NCKAP5: variants seen among roughly 807,000 people sequenced by gnomAD.
NCKAP5 encodes NCK associated protein 5.
In NCKAP5, 92 loss-of-function variants were observed where a neutral mutation model predicts 167.0. That is an observed-to-expected ratio of 0.55 (90% CI 0.47 to 0.66). The LOEUF (loss-of-function observed/expected upper bound fraction) is 0.66. NCKAP5 is among the 30% of genes least tolerant of loss of function. The pLI is 0.00. For synonymous variants in NCKAP5, 891 were observed against 877.4 expected, an observed-to-expected ratio of 1.02 and a Z score of -0.27; for missense variants, 2,378 against 2,315.0, an observed-to-expected ratio of 1.03 and a Z score of -0.56.
chr2:132,913,576 A>AT (rs1413196996), intron 8 of NCKAP5, among the ~76,000 whole-genome samples: 1 of 152,086 alleles, frequency 6.6e-6, no homozygotes, highest in East Asian at 1.9e-4. Flanking sequence ...TTATAAATCA[A>AT]TTTTTTCCAT....
the NCKAP5 span, among the ~76,000 whole-genome samples, chr2:133,597,696 A>AAAAAAAAAAAAAAG: frequency 6.7e-6 from 1 of 149,160 alleles, no homozygotes; most frequent in Admixed American, 6.7e-5. Flanking sequence ...AAAAAAAAAA[A>AAAAAAAAAAAAAAG]AAGAAGAGAA....
the NCKAP5 span, among the ~76,000 whole-genome samples, chr2:133,662,438 C>T: frequency 6.6e-6 from 1 of 151,576 alleles, no homozygotes; most frequent in African/African-American, 2.4e-5. Context: ...ATGCCCACTG[C>T]TTCAGGTTTC....
intron 4 of NCKAP5, among the ~76,000 whole-genome samples, chr2:133,250,906 G>C (rs1462762322): frequency 6.6e-6 from 1 of 151,862 alleles, no homozygotes; most frequent in African/African-American, 2.4e-5. Context: ...CTCCAGCCTG[G>C]GTGACAGGGT....
At chr2:133,428,419 C>T (rs72846344) in intron 3 of NCKAP5, among the ~76,000 whole-genome samples, 13,312 of 152,108 alleles carry the variant, frequency 0.088, 644 homozygotes, top group Middle Eastern at 0.16. Context: ...AGGGTATTTG[C>T]TTTGTAGGTG....
intron 6 of NCKAP5, among the ~76,000 whole-genome samples, chr2:133,089,589 C>T (rs1412267678): frequency 6.6e-6 from 1 of 152,178 alleles, no homozygotes; most frequent in Non-Finnish European, 1.5e-5. Context: ...AAGTACTCTT[C>T]ATTTACAAAA....
the NCKAP5 span, among the ~76,000 whole-genome samples, chr2:133,617,223 T>C: frequency 6.6e-6 from 1 of 152,184 alleles, no homozygotes; most frequent in Admixed American, 6.5e-5. Context: ...ACTGGAAGCA[T>C]TCCCTTTGAA....
chr2:133,369,046 G>A (rs1685629091), intron 3 of NCKAP5, among the ~76,000 whole-genome samples: 1 of 152,184 alleles, frequency 6.6e-6, no homozygotes, highest in South Asian at 2.1e-4. Flanking sequence ...TAGAGAGTAG[G>A]AGAACAGGAC....
chr2:133,669,458 AT>A, the NCKAP5 span, among the ~76,000 whole-genome samples: 1 of 152,052 alleles, frequency 6.6e-6, no homozygotes, highest in African/African-American at 2.4e-5. Flanking sequence ...GGTTTATTTT[AT>A]CATGTATATT....
At chr2:133,201,409 T>C (rs1045558092) in intron 5 of NCKAP5, among the ~76,000 whole-genome samples, 7 of 152,028 alleles carry the variant, frequency 4.6e-5, no homozygotes, top group Non-Finnish European at 7.4e-5. Flanking sequence ...ACACACAAAA[T>C]ATAGATGAAT....
intron 11 of NCKAP5, among the ~76,000 whole-genome samples, chr2:132,835,416 T>C (rs1478274714): frequency 6.6e-6 from 1 of 152,202 alleles, no homozygotes; most frequent in Non-Finnish European, 1.5e-5. Context: ...TTGGCTAAGG[T>C]TTCCTGCCTT....
chr2:133,641,002 C>T, the NCKAP5 span, among the ~76,000 whole-genome samples: 1 of 152,206 alleles, frequency 6.6e-6, no homozygotes, highest in Non-Finnish European at 1.5e-5. Context: ...GAATTGTACT[C>T]AATTTCTCTC....
At chr2:133,256,273 T>C (rs1559323512) in intron 4 of NCKAP5, among the ~76,000 whole-genome samples, 1 of 152,128 alleles carries the variant, frequency 6.6e-6, no homozygotes, top group Non-Finnish European at 1.5e-5. Context: ...ACCCCCTCTA[T>C]TGAACTCGAT....
chr2:133,645,898 A>G, the NCKAP5 span, among the ~76,000 whole-genome samples: 1 of 152,002 alleles, frequency 6.6e-6, no homozygotes, highest in East Asian at 1.9e-4. Flanking sequence ...ACATTTTACC[A>G]TATCTCTTTT....
chr2:133,350,607 A>G (rs921749814), intron 3 of NCKAP5, among the ~76,000 whole-genome samples: 32 of 152,084 alleles, frequency 2.1e-4, no homozygotes, highest in African/African-American at 7.0e-4. Context: ...CGCTGTCCCA[A>G]TGAATTATCC....
chr2:133,242,412 G>A (rs2087761804), intron 4 of NCKAP5, among the ~76,000 whole-genome samples: 1 of 151,580 alleles, frequency 6.6e-6, no homozygotes, highest in South Asian at 2.1e-4. Flanking sequence ...ATATAAACAG[G>A]GCTGGTTTCA....
chr2:133,230,771 T>A (rs1474367017), intron 4 of NCKAP5, among the ~76,000 whole-genome samples: 1 of 152,226 alleles, frequency 6.6e-6, no homozygotes, highest in Non-Finnish European at 1.5e-5. Context: ...TGAAACCGAC[T>A]TCAACACTAG....
the NCKAP5 span, among the ~76,000 whole-genome samples, chr2:133,670,639 C>T: frequency 2.6e-5 from 4 of 152,174 alleles, no homozygotes; most frequent in African/African-American, 9.6e-5. Flanking sequence ...TGGGGATAAC[C>T]TTCCAGTAGA....
chr2:133,222,915 T>C (rs1489999033), intron 4 of NCKAP5, among the ~76,000 whole-genome samples: 1 of 152,246 alleles, frequency 6.6e-6, no homozygotes, highest in African/African-American at 2.4e-5. Context: ...CTACTGCCAG[T>C]GAGGTCATCA....
intron 3 of NCKAP5, among the ~76,000 whole-genome samples, chr2:133,464,568 T>C (rs1463327393): frequency 2.6e-5 from 4 of 152,150 alleles, no homozygotes; most frequent in African/African-American, 4.8e-5. Context: ...CCGGTGCCTG[T>C]AGTCCCAGCT....
Sources: gnomAD v4.1 joint callset for allele counts (sites outside exome capture counted in the v4.1 genomes callset) on GRCh38, gnomAD v4.1.1 for gene constraint, MANE v1.5 for transcripts, NCBI Gene and HGNC (gene_info 2026-07-23, HGNC 2026-07-21) for gene names.